SEPTIN14: variants seen among roughly 807,000 people sequenced by gnomAD.
The protein encoded by SEPTIN14 is septin 14, also known as septin-14.
Under a neutral mutation model 53.6 loss-of-function variants are expected in SEPTIN14, and 40 were observed. The ratio of observed to expected loss-of-function variants is 0.75; its 90% confidence interval spans 0.58 to 0.97. The LOEUF is 0.97. SEPTIN14 is among the 50% of genes least tolerant of loss of function. The pLI is 0.00. For synonymous variants in SEPTIN14, 138 were observed against 166.8 expected (o/e 0.83, Z 1.33); for missense variants, 471 against 508.2 (o/e 0.93, Z 0.70).
chr7:55,857,999 A>C lies in SEPTIN14; in HGVS notation c.54+3944T>G, dbSNP rs117357436. Among the ~76,000 whole-genome samples, 1,134 of 152,312 alleles carry C rather than the reference A, an allele frequency of 7.4e-3. 8 individuals carry two copies. The highest frequency in any genetic ancestry group is 9.3e-3 in the Admixed American group (142 of 15,276). The stretch of plus-strand genomic sequence containing the variant: ...ATTGATAGGACTCTGAAAAAAAAAT[A>C]TCTCTCTCAAGTTACAGAACTGGGA... On this transcript the variant is annotated intron_variant, in intron 2 of 9. Coordinates refer to ENST00000388975, the MANE Select transcript of SEPTIN14 (RefSeq NM_207366.3).
chr7:55,827,910 G>A (rs1156251735), intron 6 of SEPTIN14, among the ~76,000 whole-genome samples: 1 of 152,000 alleles, frequency 6.6e-6, no homozygotes, highest in African/African-American at 2.4e-5. Context: ...AATATATGCT[G>A]TAGTTACACC....
At chr7:55,802,044 G>C (rs1453554039) in intron 9 of SEPTIN14, among the ~76,000 whole-genome samples, 1 of 149,822 alleles carries the variant, frequency 6.7e-6, no homozygotes, top group African/African-American at 2.5e-5. Flanking sequence ...CTGTCTCCAA[G>C]GCTGGAGTGC....
At chr7:55,842,405 A>G (rs893526755) in intron 5 of SEPTIN14, among the ~76,000 whole-genome samples, 1 of 151,944 alleles carries the variant, frequency 6.6e-6, no homozygotes, top group Non-Finnish European at 1.5e-5. Flanking sequence ...CAGAAGTTCA[A>G]GTTCAGCCTG....
intron 6 of SEPTIN14, among the ~76,000 whole-genome samples, chr7:55,829,535 A>C (rs1239565268): frequency 6.6e-6 from 1 of 152,176 alleles, no homozygotes; most frequent in Non-Finnish European, 1.5e-5. Context: ...AGATCATCAG[A>C]GACTAATATG....
chr7:55,811,180 A>G, intron 7 of SEPTIN14: 1 of 511,032 alleles, frequency 2.0e-6, no homozygotes, highest in Non-Finnish European at 3.9e-6. Flanking sequence ...CCTCCAAGGG[A>G]GAAGTAGTTG....
chr7:55,857,946 T>A (rs1399088813), intron 2 of SEPTIN14, among the ~76,000 whole-genome samples: 1 of 152,146 alleles, frequency 6.6e-6, no homozygotes, highest in Non-Finnish European at 1.5e-5. Flanking sequence ...CTTTTTCTCC[T>A]TGAACTCAAC....
At chr7:55,855,340 C>T (rs1425278455) in intron 2 of SEPTIN14, among the ~76,000 whole-genome samples, 2 of 148,416 alleles carry the variant, frequency 1.3e-5, no homozygotes, top group African/African-American at 5.0e-5. Context: ...CATCCTAGTA[C>T]TGACGTTTCA....
chr7:55,840,404 G>A (rs1789288217), intron 5 of SEPTIN14, among the ~76,000 whole-genome samples: 1 of 151,626 alleles, frequency 6.6e-6, no homozygotes. Context: ...TAGGAGAACT[G>A]CTTGAACCCA....
At chr7:55,800,701 G>C (rs373416447) in intron 9 of SEPTIN14, among the ~76,000 whole-genome samples, 4 of 152,162 alleles carry the variant, frequency 2.6e-5, no homozygotes, top group Middle Eastern at 3.4e-3. Context: ...TGGTAGGGGT[G>C]GGGGGAAGTG....
chr7:55,837,186 G>A (rs1022387435), intron 5 of SEPTIN14, among the ~76,000 whole-genome samples: 1 of 150,912 alleles, frequency 6.6e-6, no homozygotes, highest in African/African-American at 2.4e-5. Context: ...CATGATCACA[G>A]CTCACTGCAG....
chr7:55,845,021 T>C (rs1389257244), intron 3 of SEPTIN14, among the ~76,000 whole-genome samples: 1 of 152,020 alleles, frequency 6.6e-6, no homozygotes, highest in Non-Finnish European at 1.5e-5. Context: ...ATCACCCAGG[T>C]ACTAAGCATG....
At chr7:55,857,490 G>GGGA (rs1789656704) in intron 2 of SEPTIN14, among the ~76,000 whole-genome samples, 3 of 71,446 alleles carry the variant, frequency 4.2e-5, no homozygotes, top group Non-Finnish European at 7.3e-5. Context: ...GAGGGGAGGG[G>GGGA]AGGGAAGGGA....
In SEPTIN14 at chr7:55,800,782, G is replaced by T. The variant is rs546953809; in HGVS notation, c.1119+4476C>A. Among the ~76,000 whole-genome samples the T allele has an allele frequency of 2.0e-5, 3 of 152,174 alleles. No homozygotes were observed. The South Asian group carries it at 6.2e-4, about 32-fold the overall frequency. On this transcript the variant is annotated intron_variant, in intron 9 of 9. Transcript: ENST00000388975. The stretch of plus-strand genomic sequence containing the variant: ...ACGCAGTATTTGATAGCACAACAGG[G>T]TCACTATACACAATAATAATTTAAT...
intron 7 of SEPTIN14, chr7:55,811,496 C>CTTTTTTTTTTTTT (rs1170803437): frequency 1.2e-5 from 2 of 170,694 alleles, no homozygotes; most frequent in South Asian, 6.0e-5. Flanking sequence ...TTTTACAGTT[C>CTTTTTTTTTTTTT]TTTTTTTTTT....
intron 9 of SEPTIN14, 41 bp downstream of exon 9, chr7:55,805,217 C>T: frequency 6.4e-7 from 1 of 1,563,448 alleles, no homozygotes; most frequent in Non-Finnish European, 8.7e-7. Flanking sequence ...AATAGGGCAC[C>T]TAAAAATTAA....
In SEPTIN14 at chr7:55,817,476, AT is replaced by A. The variant is rs938944299; in HGVS notation, c.817+1650del. Among the ~76,000 whole-genome samples, 569 of 143,726 alleles carry A rather than the reference AT, an allele frequency of 4.0e-3. 1 individual carries two copies. Among genetic ancestry groups the A allele is most frequent in the Middle Eastern group, 7.3e-3 (2 of 274 alleles). The allele number at this position is 143,726 out of a possible 152,430, so 94.3% of individuals were successfully genotyped here. A position where few individuals can be genotyped will look rare whatever the true frequency, so the allele number is the denominator to read the frequency against. On this transcript the variant is annotated intron_variant, in intron 7 of 9. Transcript: ENST00000388975. ...AACAATATTTTATATATATATATAT[AT>A]TTTTTTTTTTTGAAAAGGAGTCTCG... is the stretch of plus-strand genomic sequence containing the variant.
At chr7:55,851,547 A>G (rs1476542875) in intron 2 of SEPTIN14, among the ~76,000 whole-genome samples, 1 of 152,212 alleles carries the variant, frequency 6.6e-6, no homozygotes, top group Non-Finnish European at 1.5e-5. Flanking sequence ...ATAAATGATA[A>G]ACTATAAAAT....
intron 5 of SEPTIN14, among the ~76,000 whole-genome samples, chr7:55,837,546 G>C (rs1169549421): frequency 4.6e-5 from 7 of 152,160 alleles, no homozygotes; most frequent in African/African-American, 1.7e-4. Context: ...TCAGGTTTGT[G>C]AAAGCAGGCA....
At chr7:55,798,042 G>A (rs186159773) in intron 9 of SEPTIN14, 101 of 167,730 alleles carry the variant, frequency 6.0e-4, no homozygotes, top group African/African-American at 1.9e-3. Flanking sequence ...CCATGTACTC[G>A]GCCCACAGGC....
Sources: allele counts gnomAD v4.1 joint callset (sites outside exome capture counted in the v4.1 genomes callset), GRCh38; gene constraint gnomAD v4.1.1; transcripts MANE v1.5; gene names NCBI Gene and HGNC (gene_info 2026-07-23, HGNC 2026-07-21).